Variants in USP3 observed in about 807,000 individuals in gnomAD.
The protein encoded by USP3 is ubiquitin specific peptidase 3.
A neutral mutation model predicts 72.3 loss-of-function variants in USP3; 20 were observed. That is an observed-to-expected ratio of 0.28 (90% CI 0.19 to 0.40). The LOEUF is 0.40. Ranked by LOEUF, USP3 falls within the 10% of genes least tolerant of loss-of-function variation. The pLI is 1.00. For synonymous variants in USP3, 222 were observed against 225.3 expected, an observed-to-expected ratio of 0.99 and a Z score of 0.13; for missense variants, 479 against 633.9, an observed-to-expected ratio of 0.76 and a Z score of 2.62.
At chr15:63,549,360 C>G (rs927328496) in intron 3 of USP3, among the ~76,000 whole-genome samples, 5 of 152,164 alleles carry the variant, frequency 3.3e-5, no homozygotes, top group Non-Finnish European at 5.9e-5. Context: ...AGAAAAATTA[C>G]TCTTTTAAGA....
intron 3 of USP3, 134 bp downstream of exon 3, chr15:63,537,290 C>A: frequency 1.9e-6 from 2 of 1,071,850 alleles, no homozygotes; most frequent in South Asian, 4.9e-5. Context: ...TCACGGAGGA[C>A]TGGAGCCATT....
intron 11 of USP3, chr15:63,587,594 T>C (rs2067098541): frequency 1.3e-5 from 2 of 152,238 alleles, no homozygotes; most frequent in African/African-American, 4.8e-5. Flanking sequence ...TGTCATGATA[T>C]TAAGTGAAGA....
intron 2 of USP3, among the ~76,000 whole-genome samples, chr15:63,535,260 C>CTA (rs796872670): frequency 4.1e-4 from 63 of 152,316 alleles, no homozygotes; most frequent in African/African-American, 1.4e-3. Context: ...GTTTCTTGAC[C>CTA]TATACAGTTA....
chr15:63,538,180 T>C (rs1182622672), intron 3 of USP3, among the ~76,000 whole-genome samples: 1 of 152,184 alleles, frequency 6.6e-6, no homozygotes, highest in Non-Finnish European at 1.5e-5. Context: ...GCTCAGAAAG[T>C]ATATTCTGCA....
At chr15:63,538,549 CTTT>C (rs746038629) in intron 3 of USP3, among the ~76,000 whole-genome samples, 5 of 137,164 alleles carry the variant, frequency 3.6e-5, no homozygotes, top group Non-Finnish European at 3.2e-5. Context: ...AGGTCTTTTA[CTTT>C]TTTTTTTTTT....
At chr15:63,505,617 T>G (rs954744289) in intron 1 of USP3, among the ~76,000 whole-genome samples, 1 of 152,268 alleles carries the variant, frequency 6.6e-6, no homozygotes, top group South Asian at 2.1e-4. Flanking sequence ...TATAAGGCTT[T>G]TGAGTAGCTT....
chr15:63,590,597 T>C, intron 14 of USP3, 64 bp from the exon 15 acceptor site: 2 of 1,397,334 alleles, frequency 1.4e-6, no homozygotes, highest in Non-Finnish European at 9.5e-7. Flanking sequence ...TAACATTATA[T>C]AGTTGTACAG....
chr15:63,562,418 A>G (rs182682873), intron 7 of USP3, among the ~76,000 whole-genome samples: 291 of 152,240 alleles, frequency 1.9e-3, no homozygotes, highest in Admixed American at 3.7e-3. Flanking sequence ...TAGTCATGAG[A>G]AAATCTGACT....
intron 11 of USP3, among the ~76,000 whole-genome samples, chr15:63,584,972 C>G (rs975509809): frequency 6.6e-6 from 1 of 152,044 alleles, no homozygotes; most frequent in Non-Finnish European, 1.5e-5. Flanking sequence ...CATGTTGATA[C>G]CTAGTTTCCC....
chr15:63,536,951 T>A (rs2066167275), intron 2 of USP3, 74 bp from the exon 3 acceptor site: 2 of 1,444,236 alleles, frequency 1.4e-6, no homozygotes, highest in Non-Finnish European at 1.9e-6. Flanking sequence ...TGATTAATAT[T>A]TAATTTCATC....
Position 63,544,578 on chromosome 15 carries a change from A to C in USP3, c.284+7422A>C. On this transcript the variant is annotated intron_variant, in intron 3 of 14. Coordinates refer to ENST00000380324, the MANE Select transcript of USP3 (RefSeq NM_006537.4). This position sits in a 1 kb window ranked among gnomAD's most constrained non-coding sequence, Gnocchi z 4.2. ...AATTTTTTAAAGGAAGTAAACCTAC[A>C]TTAAATTTTAGGACAAGAAAACGAT... is the stretch of plus-strand genomic sequence containing the variant. 1.6e-6 allele frequency: 1 copy of C among 616,006 alleles called. No homozygotes were observed. The highest frequency in any genetic ancestry group is 2.8e-5 in the Admixed American group (1 of 35,716). 38.2% of individuals were successfully genotyped at this position (616,006 alleles called of 1,614,324 possible).
chr15:63,536,731 G>A (rs1405552594), intron 2 of USP3, among the ~76,000 whole-genome samples: 1 of 151,866 alleles, frequency 6.6e-6, no homozygotes, highest in Non-Finnish European at 1.5e-5. Flanking sequence ...GTGGGCGCCT[G>A]TAGTCCCAGC....
chr15:63,564,354 A>G (rs8034068), intron 8 of USP3, among the ~76,000 whole-genome samples: 4,670 of 152,230 alleles, frequency 0.031, 220 homozygotes, highest in African/African-American at 0.11. Flanking sequence ...TCGTGGGGTA[A>G]TGACCAAAAT....
At chr15:63,539,167 C>T (rs577021015) in intron 3 of USP3, among the ~76,000 whole-genome samples, 9 of 151,676 alleles carry the variant, frequency 5.9e-5, no homozygotes, top group East Asian at 3.9e-4. Flanking sequence ...GATGTGGCTA[C>T]GTAATTTGCA....
At chr15:63,517,860 A>G (rs561913603) in intron 1 of USP3, among the ~76,000 whole-genome samples, 1 of 152,256 alleles carries the variant, frequency 6.6e-6, no homozygotes, top group Non-Finnish European at 1.5e-5. Flanking sequence ...CTGCACTACT[A>G]AGATTGTTAT....
At chr15:63,510,959 A>G (rs1007080883) in intron 1 of USP3, among the ~76,000 whole-genome samples, 1 of 152,104 alleles carries the variant, frequency 6.6e-6, no homozygotes, top group Non-Finnish European at 1.5e-5. Context: ...AGAAATTTGT[A>G]GAGATCGTCT....
chr15:63,589,205 G>T, intron 14 of USP3, 194 bp downstream of exon 14: 1 of 597,252 alleles, frequency 1.7e-6, no homozygotes, highest in South Asian at 2.1e-5. Flanking sequence ...GTAAATAAAA[G>T]TGAAATGAAG....
intron 3 of USP3, among the ~76,000 whole-genome samples, chr15:63,541,312 C>T (rs2066241696): frequency 1.3e-5 from 2 of 152,020 alleles, no homozygotes; most frequent in South Asian, 4.1e-4. Context: ...TTAAAATGAA[C>T]ATAAAGCTTT....
At chr15:63,542,794 C>G (rs2066263348) in intron 3 of USP3, among the ~76,000 whole-genome samples, 1 of 152,082 alleles carries the variant, frequency 6.6e-6, no homozygotes, top group Non-Finnish European at 1.5e-5. Context: ...CTAATACTTC[C>G]TGTCATCATT....
Sources: gnomAD v4.1 joint callset for allele counts (sites outside exome capture counted in the v4.1 genomes callset) on GRCh38, gnomAD v4.1.1 for gene constraint, Gnocchi (gnomAD v3.1) non-coding constraint, MANE v1.5 for transcripts, NCBI Gene and HGNC (gene_info 2026-07-23, HGNC 2026-07-21) for gene names.